The following DPP10 variants were observed in gnomAD, a reference collection of about 807,000 sequenced individuals.
DPP10 encodes the protein inactive dipeptidyl peptidase 10.
A neutral mutation model predicts 120.9 loss-of-function variants in DPP10; 33 were observed. The observed-to-expected ratio is 0.27, with a 90% CI of 0.21 to 0.37. DPP10 has a LOEUF of 0.37. DPP10 is among the 10% of genes least tolerant of loss of function. DPP10 has a pLI of 1.00. For missense variants in DPP10, 816 were observed against 942.8 expected (o/e 0.87, Z 1.76); for synonymous variants, 337 against 326.1 (o/e 1.03, Z -0.36).
chr2:114,913,425 G>T (rs1277794479), intron 1 of DPP10, among the ~76,000 whole-genome samples: 2 of 152,054 alleles, frequency 1.3e-5, no homozygotes, highest in Non-Finnish European at 1.5e-5. Flanking sequence ...AGGGGCCAGA[G>T]AAAAAAGCCG....
At chr2:114,628,738 A>G (rs1367440475) in intron 1 of DPP10, among the ~76,000 whole-genome samples, 2 of 152,244 alleles carry the variant, frequency 1.3e-5, no homozygotes, top group African/African-American at 2.4e-5. Context: ...ATTAGTAACA[A>G]TGCTCAGGTG....
intron 1 of DPP10, among the ~76,000 whole-genome samples, chr2:115,224,758 T>A (rs985109866): frequency 2.6e-5 from 4 of 152,230 alleles, no homozygotes; most frequent in Non-Finnish European, 4.4e-5. Context: ...ATTTATTTTT[T>A]AAAATCATGT....
chr2:115,209,331 T>G (rs2105341419), intron 1 of DPP10, among the ~76,000 whole-genome samples: 1 of 152,296 alleles, frequency 6.6e-6, no homozygotes, highest in East Asian at 1.9e-4. Context: ...TCTTATTTTC[T>G]TTACTCTTTC....
chr2:115,178,773 A>G (rs1378289761), intron 1 of DPP10, among the ~76,000 whole-genome samples: 6 of 152,220 alleles, frequency 3.9e-5, no homozygotes, highest in African/African-American at 1.4e-4. Context: ...ATGTATATAT[A>G]CATTTATTTA....
intron 1 of DPP10, among the ~76,000 whole-genome samples, chr2:115,098,972 CAA>C (rs914144939): frequency 2.6e-5 from 4 of 151,848 alleles, no homozygotes; most frequent in South Asian, 2.1e-4. Flanking sequence ...CAACAGAGAA[CAA>C]AGAGATGCCT....
chr2:115,717,433 G>T (rs2092531817), intron 7 of DPP10, among the ~76,000 whole-genome samples: 1 of 152,036 alleles, frequency 6.6e-6, no homozygotes. Context: ...TTGGAGCCAG[G>T]CTGCCTGTAT....
chr2:115,302,460 GA>G, intron 1 of DPP10, among the ~76,000 whole-genome samples: 1 of 151,754 alleles, frequency 6.6e-6, no homozygotes, highest in East Asian at 2.0e-4. Context: ...AAAATATATA[GA>G]AAAAAAGTAG....
chr2:115,224,648 A>T (rs895215100), intron 1 of DPP10, among the ~76,000 whole-genome samples: 4 of 152,194 alleles, frequency 2.6e-5, no homozygotes, highest in African/African-American at 7.2e-5. Context: ...ATATTTGAAA[A>T]TCACTAACAG....
chr2:115,233,486 C>G (rs983141743), intron 1 of DPP10, among the ~76,000 whole-genome samples: 1 of 152,172 alleles, frequency 6.6e-6, no homozygotes, highest in Non-Finnish European at 1.5e-5. Flanking sequence ...AAAGACTTGA[C>G]TCCATAGGCA....
At chr2:114,724,846 T>C (rs1003480573) in intron 1 of DPP10, among the ~76,000 whole-genome samples, 2 of 152,202 alleles carry the variant, frequency 1.3e-5, no homozygotes, top group African/African-American at 4.8e-5. Context: ...ACAATTTGCT[T>C]GATAGCTCCT....
intron 3 of DPP10, among the ~76,000 whole-genome samples, chr2:115,397,608 T>C (rs2067775157): frequency 6.6e-6 from 1 of 152,186 alleles, no homozygotes; most frequent in Non-Finnish European, 1.5e-5. Flanking sequence ...GTAGTCTTAC[T>C]AAATACAAGT....
At chr2:115,668,872 A>G (rs1432552544) in intron 5 of DPP10, among the ~76,000 whole-genome samples, 3 of 152,172 alleles carry the variant, frequency 2.0e-5, no homozygotes, top group African/African-American at 4.8e-5. Context: ...AGCCTTAGGT[A>G]GGAAAGTATG....
At chr2:115,386,950 C>T (rs1469093582) in intron 3 of DPP10, among the ~76,000 whole-genome samples, 1 of 151,276 alleles carries the variant, frequency 6.6e-6, no homozygotes, top group South Asian at 2.1e-4. Context: ...GGGCAAAATG[C>T]CTCCCTTTAA....
intron 1 of DPP10, among the ~76,000 whole-genome samples, chr2:114,769,498 G>A (rs985961185): frequency 5.3e-5 from 8 of 152,158 alleles, no homozygotes; most frequent in African/African-American, 1.9e-4. Context: ...GGTTCAAAAT[G>A]AAAATAGGTA....
At chr2:115,384,765 C>A (rs2066787567) in intron 3 of DPP10, among the ~76,000 whole-genome samples, 2 of 151,506 alleles carry the variant, frequency 1.3e-5, no homozygotes, top group Non-Finnish European at 2.9e-5. Flanking sequence ...AAAGAAGAAC[C>A]TGCAACTCTT....
At chr2:115,827,412 GTGTATATATATATATATATA>G (rs1456242580) in intron 21 of DPP10, among the ~76,000 whole-genome samples, 8 of 81,936 alleles carry the variant, frequency 9.8e-5, no homozygotes, top group African/African-American at 1.3e-4. Flanking sequence ...GTATGTGTGT[GTGTATATATATATATATATA>G]TATATATATA....
chr2:114,934,255 A>C (rs1401454677), intron 1 of DPP10, among the ~76,000 whole-genome samples: 1 of 152,172 alleles, frequency 6.6e-6, no homozygotes, highest in African/African-American at 2.4e-5. Context: ...GACTCCCCAA[A>C]AACTTAACTA....
At chr2:115,232,521 T>G (rs2057787100) in intron 1 of DPP10, among the ~76,000 whole-genome samples, 1 of 152,186 alleles carries the variant, frequency 6.6e-6, no homozygotes, top group Non-Finnish European at 1.5e-5. Context: ...ATTTCACTAC[T>G]TCCTTGTGCC....
At chr2:114,518,007 T>C (rs1226739288) in intron 1 of DPP10, among the ~76,000 whole-genome samples, 1 of 151,510 alleles carries the variant, frequency 6.6e-6, no homozygotes, top group Non-Finnish European at 1.5e-5. Context: ...TTAAAAAAAT[T>C]CAAGATTTTT....
Sources: allele counts gnomAD v4.1 joint callset (sites outside exome capture counted in the v4.1 genomes callset), GRCh38; gene constraint gnomAD v4.1.1; transcripts MANE v1.5; gene names NCBI Gene and HGNC (gene_info 2026-07-23, HGNC 2026-07-21).